OGFOD3: variants seen among roughly 807,000 people sequenced by gnomAD.
OGFOD3 encodes the protein 2-oxoglutarate and iron-dependent oxygenase domain-containing protein 3.
Under a neutral mutation model 39.8 loss-of-function variants are expected in OGFOD3, and 35 were observed. The observed-to-expected ratio is 0.88, with a 90% CI of 0.67 to 1.17. OGFOD3 has a LOEUF of 1.17. Among genes scored for constraint, OGFOD3 ranks in the 50% most tolerant of loss-of-function variants. The pLI, the probability that OGFOD3 is intolerant of heterozygous loss-of-function variation, is 0.00. For synonymous variants in OGFOD3, 200 were observed against 192.0 expected, an observed-to-expected ratio of 1.04 and a Z score of -0.34; for missense variants, 438 against 454.5, an observed-to-expected ratio of 0.96 and a Z score of 0.33.
chr17:82,400,532 C>T (rs950639554), intron 7 of OGFOD3, among the ~76,000 whole-genome samples: 3 of 152,112 alleles, frequency 2.0e-5, no homozygotes, highest in African/African-American at 7.2e-5. Flanking sequence ...TGACAGAATG[C>T]GGTATTCTTA....
At chr17:82,416,083 A>G (rs1457263325) in intron 1 of OGFOD3, among the ~76,000 whole-genome samples, 3 of 151,904 alleles carry the variant, frequency 2.0e-5, no homozygotes, top group African/African-American at 7.3e-5. Context: ...AAAAAAAAAA[A>G]AAATTAACCG....
intron 7 of OGFOD3, among the ~76,000 whole-genome samples, chr17:82,403,250 T>A (rs1210160324): frequency 6.6e-6 from 1 of 152,148 alleles, no homozygotes; most frequent in East Asian, 1.9e-4. Context: ...CACTTCTTCT[T>A]GTCACCATCA....
chr17:82,415,526 A>C lies in OGFOD3; in HGVS notation c.176T>G (p.Leu59Arg), dbSNP rs1453679481. Residue 59 changes from leucine (L) to arginine (R), a missense_variant, in exon 2 of 9, where the codon CTG becomes CGG. Transcript: ENST00000313056. This position sits in a 1 kb window ranked among gnomAD's most constrained non-coding sequence, Gnocchi z 5.3. ...LGAGFVLTAL[L>R]LWSSLGADDG... Reference sequence around the variant, plus strand: ...GTCGGCCCCCAAGCTGCTCCAGAGCAGGAGTGCGGTGAGCACAAAGCCAGC... The same window carrying C: ...GTCGGCCCCCAAGCTGCTCCAGAGCCGGAGTGCGGTGAGCACAAAGCCAGC... 8 of 1,613,614 alleles carry C rather than the reference A, an allele frequency of 5.0e-6. No homozygotes were observed. The highest frequency in any genetic ancestry group is 1.7e-5 in the Admixed American group (1 of 60,012).
chr17:82,396,501 C>T (rs1311047665), intron 8 of OGFOD3: 1 of 152,158 alleles, frequency 6.6e-6, no homozygotes, highest in African/African-American at 2.4e-5. Flanking sequence ...ACATGTATGA[C>T]ATCAAATCAC....
At chr17:82,416,859 G>C (rs1452793534) in intron 1 of OGFOD3, among the ~76,000 whole-genome samples, 1 of 151,852 alleles carries the variant, frequency 6.6e-6, no homozygotes. Context: ...TTTAGTAATA[G>C]AGACGGGGTT....
At chr17:82,402,431 T>C (rs1374397078) in intron 7 of OGFOD3, among the ~76,000 whole-genome samples, 4 of 136,286 alleles carry the variant, frequency 2.9e-5, no homozygotes, top group Non-Finnish European at 4.6e-5. Context: ...CAAGACTGTC[T>C]CAAAAAAAAA....
rs1043644909 is a variant in OGFOD3, at chr17:82,390,891, T to A, written c.*1507A>T. ...CCTCAGCTGGCCTCACGCCCGCTCC[T>A]TCCCAGGGGTCACCATGCCTCAGCT... is the stretch of plus-strand genomic sequence containing the variant. On this transcript the variant is annotated 3_prime_UTR_variant, in exon 9 of 9. Coordinates refer to ENST00000313056, the MANE Select transcript of OGFOD3 (RefSeq NM_024648.3). This position sits in a 1 kb window ranked among gnomAD's most constrained non-coding sequence, Gnocchi z 4.9. The A allele has an allele frequency of 1.2e-5, 2 of 163,566 alleles. No individual in the cohort carries two copies. Among genetic ancestry groups the A allele is most frequent in the African/African-American group, 4.9e-5 (2 of 40,474 alleles). 10.1% of individuals were successfully genotyped at this position (163,566 alleles called of 1,614,324 possible). A position where few individuals can be genotyped will look rare whatever the true frequency, so the allele number is the denominator to read the frequency against.
Position 82,390,610 on chromosome 17 carries a change from C to A in OGFOD3, c.*1788G>T, listed in dbSNP as rs1237673758. The A allele has an allele frequency of 5.9e-6, 1 of 168,482 alleles. No individual in the cohort carries two copies. The highest frequency in any genetic ancestry group is 1.9e-4 in the East Asian group (1 of 5,322). 10.4% of individuals were successfully genotyped at this position (168,482 alleles called of 1,614,324 possible). ...CTGACCAAGGAGGGTTCCCCATACA[C>A]GGGCAGAAGCTGTGGACCCAGGGAG... is the stretch of plus-strand genomic sequence containing the variant. On this transcript the variant is annotated 3_prime_UTR_variant, in exon 9 of 9. Transcript: ENST00000313056. This position sits in a 1 kb window ranked among gnomAD's most constrained non-coding sequence, Gnocchi z 4.9.
At chr17:82,394,655 G>A (rs1286488090) in intron 8 of OGFOD3, 7 of 780,004 alleles carry the variant, frequency 9.0e-6, no homozygotes, top group Admixed American at 3.2e-5. Flanking sequence ...GCTCCCAGGG[G>A]GGACCTCTGA....
In OGFOD3 at chr17:82,392,224, GC is replaced by G; in HGVS notation, c.*173del. Reference sequence around the variant, plus strand: ...ACACATGATGCTGGAGAAGTGAAAAGCTGGTTCCCTTCATTTACTCACAGAT... The same window carrying G: ...ACACATGATGCTGGAGAAGTGAAAAGTGGTTCCCTTCATTTACTCACAGAT... On this transcript the variant is annotated 3_prime_UTR_variant, in exon 9 of 9. Coordinates refer to ENST00000313056, the MANE Select transcript of OGFOD3 (RefSeq NM_024648.3). The surrounding 1 kb of genome is among the most constrained non-coding windows in gnomAD (Gnocchi z 4.2). 1 of 745,404 alleles carries G rather than the reference GC, an allele frequency of 1.3e-6. No homozygotes were observed. Among genetic ancestry groups the G allele is most frequent in the Non-Finnish European group, 2.1e-6 (1 of 468,246 alleles). 46.2% of individuals were successfully genotyped at this position (745,404 alleles called of 1,614,324 possible).
At chr17:82,398,479 A>G (rs1285484991) in intron 7 of OGFOD3, among the ~76,000 whole-genome samples, 160 bp from the exon 8 acceptor site, 1 of 152,100 alleles carries the variant, frequency 6.6e-6, no homozygotes, top group African/African-American at 2.4e-5. Context: ...GGCTCACTGC[A>G]ATCTCCGCCT....
At position 82,392,830 on chromosome 17, in the gene OGFOD3, C is replaced by G; in HGVS notation, c.824-296G>C. 2.5e-6 allele frequency: 1 copy of G among 400,160 alleles called. No individual in the cohort carries two copies. The highest frequency in any genetic ancestry group is 4.5e-6 in the Non-Finnish European group (1 of 222,804). The allele number at this position is 400,160 out of a possible 1,614,324, so 24.8% of individuals were successfully genotyped here. The stretch of plus-strand genomic sequence containing the variant: ...ATGAGGCCACCACTGGCTCCAGACA[C>G]CCCAGGTCATCTGATCTCCCGAGCT... On this transcript the variant is annotated intron_variant, in intron 8 of 8. Coordinates refer to ENST00000313056, the MANE Select transcript of OGFOD3 (RefSeq NM_024648.3). This position sits in a 1 kb window ranked among gnomAD's most constrained non-coding sequence, Gnocchi z 4.2.
chr17:82,416,826 A>AC (rs2053055315), intron 1 of OGFOD3, among the ~76,000 whole-genome samples: 1 of 150,884 alleles, frequency 6.6e-6, no homozygotes, highest in South Asian at 2.1e-4. Context: ...GTGCACCACC[A>AC]CCCCCAGCTA....
At chr17:82,399,544 T>C (rs7213338) in intron 7 of OGFOD3, among the ~76,000 whole-genome samples, 84,151 of 152,110 alleles carry the variant, frequency 0.55, 23,472 homozygotes, top group South Asian at 0.69. Context: ...ATTTCCAATG[T>C]TGTGCAGCCA....
rs1250542103 is a variant in OGFOD3 at position 82,390,179 on chromosome 17, C to CA, written c.*2218dup. 1 of 152,240 alleles carries CA rather than the reference C, an allele frequency of 6.6e-6. No individual in the cohort carries two copies. Among genetic ancestry groups the CA allele is most frequent in the East Asian group, 1.9e-4 (1 of 5,206 alleles). 9.4% of individuals were successfully genotyped at this position (152,240 alleles called of 1,614,324 possible). A position where few individuals can be genotyped will look rare whatever the true frequency, so the allele number is the denominator to read the frequency against. On this transcript the variant is annotated 3_prime_UTR_variant, in exon 9 of 9. Coordinates refer to ENST00000313056, the MANE Select transcript of OGFOD3 (RefSeq NM_024648.3). The surrounding 1 kb of genome is among the most constrained non-coding windows in gnomAD (Gnocchi z 4.9). Reference sequence around the variant, plus strand: ...TTTAACCCATAACAAACCCAACACCCACTTTCTTCAAATGCATTTATCCTT... The same window carrying CA: ...TTTAACCCATAACAAACCCAACACCCAACTTTCTTCAAATGCATTTATCCTT...
intron 8 of OGFOD3, chr17:82,394,438 G>A: frequency 7.4e-6 from 12 of 1,613,674 alleles, no homozygotes; most frequent in Non-Finnish European, 1.0e-5. Context: ...CGGGTGGTGA[G>A]TCCCCGGAGG....
intron 4 of OGFOD3, among the ~76,000 whole-genome samples, 158 bp downstream of exon 4, chr17:82,409,210 G>A (rs772945635): frequency 3.3e-5 from 5 of 152,224 alleles, no homozygotes; most frequent in South Asian, 4.1e-4. Flanking sequence ...TCAGTCAGGC[G>A]CAGCTGCTGC....
rs1458585762 is a variant in OGFOD3, at chr17:82,406,535, G to A, written c.424-53C>T. 1.4e-5 allele frequency: 20 copies of A among 1,471,022 alleles called. No homozygotes were observed. The highest frequency in any genetic ancestry group is 1.9e-5 in the Non-Finnish European group (20 of 1,050,238). The allele number at this position is 1,471,022 out of a possible 1,614,324, so 91.1% of individuals were successfully genotyped here. The stretch of plus-strand genomic sequence containing the variant: ...TGCAGCCGCAGCAATGGCAATGGCT[G>A]TTAAAAGTCATGGATGGTAAATGCG... On this transcript the variant is annotated intron_variant, in intron 4 of 8. Transcript: ENST00000313056. The surrounding 1 kb of genome is among the most constrained non-coding windows in gnomAD (Gnocchi z 5.2).
At chr17:82,394,726 C>T (rs367700101) in intron 8 of OGFOD3, among the ~76,000 whole-genome samples, 6 of 152,314 alleles carry the variant, frequency 3.9e-5, no homozygotes, top group East Asian at 1.9e-4. Context: ...AGGGCCACAC[C>T]AGATGGTCCA....
Sources: gnomAD v4.1 joint callset for allele counts (sites outside exome capture counted in the v4.1 genomes callset) on GRCh38, gnomAD v4.1.1 for gene constraint, Gnocchi (gnomAD v3.1) non-coding constraint, MANE v1.5 for transcripts, NCBI Gene and HGNC (gene_info 2026-07-23, HGNC 2026-07-21) for gene names.